The following CEP70 variants were observed in gnomAD, a reference collection of about 807,000 sequenced individuals.
CEP70 encodes centrosomal protein of 70 kDa.
A neutral mutation model predicts 90.9 loss-of-function variants in CEP70; 70 were observed. That is an observed-to-expected ratio of 0.77 (90% CI 0.64 to 0.94). The LOEUF (loss-of-function observed/expected upper bound fraction) is 0.94. Among genes scored for constraint, CEP70 ranks in the 40% least tolerant of loss-of-function variants. The pLI is 0.00. For missense variants in CEP70, 648 were observed against 669.0 expected (o/e 0.97, Z 0.35); for synonymous variants, 220 against 228.3 (o/e 0.96, Z 0.33).
chr3:138,570,117 CA>C (rs1411808678), intron 6 of CEP70, among the ~76,000 whole-genome samples, 200 bp downstream of exon 6: 1 of 151,850 alleles, frequency 6.6e-6, no homozygotes, highest in Non-Finnish European at 1.5e-5. Context: ...AAAAAAACAG[CA>C]AAAGAAATTA....
intron 11 of CEP70, among the ~76,000 whole-genome samples, chr3:138,521,619 T>C (rs2036647948): frequency 6.7e-6 from 1 of 148,648 alleles, no homozygotes; most frequent in African/African-American, 2.5e-5. Flanking sequence ...CGCCACCCCA[T>C]CTGGGAGGTG....
intron 6 of CEP70, among the ~76,000 whole-genome samples, chr3:138,567,574 G>A (rs2040876972): frequency 6.6e-6 from 1 of 152,146 alleles, no homozygotes; most frequent in Non-Finnish European, 1.5e-5. Context: ...TAGCCCAGAG[G>A]TGGCACTAGA....
chr3:138,591,013 C>T (rs192511323), intron 2 of CEP70, among the ~76,000 whole-genome samples: 54 of 152,072 alleles, frequency 3.6e-4, no homozygotes, highest in Non-Finnish European at 6.3e-4. Flanking sequence ...TTTCATTTTA[C>T]GCTAAAAAGA....
rs148099107 is a variant in CEP70 at position 138,560,986 on chromosome 3, G to C, written c.465+9332C>G. Among the ~76,000 whole-genome samples, 860 of 152,298 alleles carry C rather than the reference G, an allele frequency of 5.6e-3. 7 individuals are homozygous for C. Among genetic ancestry groups the C allele is most frequent in the African/African-American group, 0.02 (828 of 41,572 alleles). The stretch of plus-strand genomic sequence containing the variant: ...TCCTGGCCTGACGGCTCTGAAGAGA[G>C]CAGCAGATCTCCTAGCACGTTCGAG... On this transcript the variant is annotated intron_variant, in intron 6 of 17. Transcript: ENST00000264982.
intron 11 of CEP70, among the ~76,000 whole-genome samples, chr3:138,522,170 G>A (rs1285246569): frequency 6.6e-6 from 1 of 151,944 alleles, no homozygotes; most frequent in Admixed American, 6.5e-5. Context: ...CCTCTGCCTA[G>A]GAAAACCAGA....
intron 2 of CEP70, among the ~76,000 whole-genome samples, chr3:138,581,238 C>T (rs1286037118): frequency 2.0e-5 from 3 of 149,760 alleles, no homozygotes; most frequent in Non-Finnish European, 3.0e-5. Context: ...GCCGAGATCC[C>T]GCCACTGCAC....
At chr3:138,516,222 A>G (rs574604757) in intron 11 of CEP70, among the ~76,000 whole-genome samples, 33 of 152,202 alleles carry the variant, frequency 2.2e-4, no homozygotes, top group Non-Finnish European at 4.3e-4. Flanking sequence ...TACCACTGCA[A>G]CCAGTGCCTA....
At chr3:138,507,574 A>G (rs2108707417) in intron 12 of CEP70, among the ~76,000 whole-genome samples, 1 of 152,358 alleles carries the variant, frequency 6.6e-6, no homozygotes, top group African/African-American at 2.4e-5. Flanking sequence ...GAATCTAAAA[A>G]CAAATCTGTG....
At chr3:138,572,832 C>G (rs2041268438) in intron 3 of CEP70, 27 bp downstream of exon 3, 1 of 1,361,570 alleles carries the variant, frequency 7.3e-7, no homozygotes, top group Non-Finnish European at 1.0e-6. Flanking sequence ...TTTTGAGAAG[C>G]AGTGTCTTAA....
intron 10 of CEP70, among the ~76,000 whole-genome samples, chr3:138,526,574 A>T (rs2037274800): frequency 6.6e-6 from 1 of 152,192 alleles, no homozygotes; most frequent in Non-Finnish European, 1.5e-5. Context: ...GAATGAAAAA[A>T]GGCTCAACAA....
At chr3:138,524,542 C>T (rs1295071987) in intron 11 of CEP70, among the ~76,000 whole-genome samples, 2 of 152,128 alleles carry the variant, frequency 1.3e-5, no homozygotes, top group Admixed American at 6.6e-5. Flanking sequence ...CCAGAATCTA[C>T]AATGAACTCA....
rs9705564 is a variant in CEP70 at position 138,523,370 on chromosome 3, G to T, written c.944+2120C>A. ...ATTCAACATAGTATTGGAAGTTCTG[G>T]CCAGGGCAATCAGGCAGGAGAAGGA... On this transcript the variant is annotated intron_variant, in intron 11 of 17. Transcript: ENST00000264982. Among the ~76,000 whole-genome samples, 207 of 152,238 alleles carry T rather than the reference G, an allele frequency of 1.4e-3. 2 individuals are homozygous for T. Among genetic ancestry groups the T allele is most frequent in the African/African-American group, 4.6e-3 (191 of 41,528 alleles).
intron 2 of CEP70, among the ~76,000 whole-genome samples, chr3:138,580,035 G>A (rs958155396): frequency 2.6e-4 from 39 of 152,120 alleles, no homozygotes; most frequent in African/African-American, 8.4e-4. Context: ...TGACTAAAGA[G>A]CCTTGGGCCT....
intron 2 of CEP70, among the ~76,000 whole-genome samples, chr3:138,575,023 A>G (rs1201176756): frequency 6.6e-6 from 1 of 152,216 alleles, no homozygotes; most frequent in Non-Finnish European, 1.5e-5. Flanking sequence ...TGAAAATTCC[A>G]AAAATCAAAG....
chr3:138,500,948 A>G (rs988202300), intron 13 of CEP70, 67 bp from the exon 14 acceptor site: 2 of 652,774 alleles, frequency 3.1e-6, no homozygotes, highest in Non-Finnish European at 4.5e-6. Context: ...ATAATAGAAC[A>G]TAATTAGTAA....
At chr3:138,584,255 TAAC>T (rs945401894) in intron 2 of CEP70, among the ~76,000 whole-genome samples, 2 of 151,812 alleles carry the variant, frequency 1.3e-5, no homozygotes, top group Admixed American at 1.3e-4. Flanking sequence ...CAATAACAAC[TAAC>T]AACATTGAAG....
chr3:138,590,750 G>A (rs1284890175), intron 2 of CEP70, among the ~76,000 whole-genome samples: 1 of 151,976 alleles, frequency 6.6e-6, no homozygotes, highest in Non-Finnish European at 1.5e-5. Flanking sequence ...GACAGAGGTT[G>A]CAGACAGCTG....
intron 6 of CEP70, among the ~76,000 whole-genome samples, chr3:138,541,790 G>A (rs1372210464): frequency 1.3e-5 from 2 of 152,224 alleles, no homozygotes; most frequent in African/African-American, 4.8e-5. Flanking sequence ...GGGAGGCAGA[G>A]GCAGGCAGAT....
intron 1 of CEP70, among the ~76,000 whole-genome samples, chr3:138,592,561 G>A (rs1009535478): frequency 6.7e-6 from 1 of 149,598 alleles, no homozygotes; most frequent in South Asian, 2.1e-4. Context: ...GGTAGGAGTC[G>A]GGGGGTAGGA....
Sources: gnomAD v4.1 joint callset for allele counts (sites outside exome capture counted in the v4.1 genomes callset) on GRCh38, gnomAD v4.1.1 for gene constraint, MANE v1.5 for transcripts, NCBI Gene and HGNC (gene_info 2026-07-23, HGNC 2026-07-21) for gene names.